The following IL1RAPL1 variants were observed in gnomAD, a reference collection of about 807,000 sequenced individuals.
IL1RAPL1 encodes interleukin-1 receptor accessory protein-like 1.
A neutral mutation model predicts 48.4 loss-of-function variants in IL1RAPL1; 3 were observed. The ratio of observed to expected loss-of-function variants is 0.06; its 90% CI spans 0.03 to 0.16. The LOEUF (loss-of-function observed/expected upper bound fraction) is 0.16. Among genes scored for constraint, IL1RAPL1 ranks in the 10% least tolerant of loss-of-function variants. The pLI, the probability that IL1RAPL1 is intolerant of heterozygous loss-of-function variation, is 1.00. For missense variants in IL1RAPL1, 349 were observed against 530.6 expected, an observed-to-expected ratio of 0.66 and a Z score of 3.36; for synonymous variants, 185 against 187.7, an observed-to-expected ratio of 0.99 and a Z score of 0.12.
intron 2 of IL1RAPL1, among the ~76,000 whole-genome samples, chrX:29,161,797 G>A (rs1366636916): frequency 8.9e-6 from 1 of 111,987 alleles, no homozygotes; most frequent in African/African-American, 3.3e-5. Flanking sequence ...AAGACAGTGT[G>A]GCGATTCCTT....
chrX:29,668,184 G>A (rs1926049860), intron 5 of IL1RAPL1, among the ~76,000 whole-genome samples: 1 of 112,117 alleles, frequency 8.9e-6, no homozygotes, highest in South Asian at 3.7e-4. Flanking sequence ...GACCAATCCT[G>A]ATGGTCTAAT....
intron 5 of IL1RAPL1, among the ~76,000 whole-genome samples, chrX:29,649,653 T>C (rs1925451904): frequency 9.0e-6 from 1 of 111,731 alleles, no homozygotes; most frequent in Non-Finnish European, 1.9e-5. Context: ...GCTAACATCA[T>C]GCTGAATGGG....
intron 6 of IL1RAPL1, among the ~76,000 whole-genome samples, chrX:29,739,392 C>T (rs963428785): frequency 1.8e-5 from 2 of 110,770 alleles, no homozygotes; most frequent in Non-Finnish European, 3.8e-5. Context: ...ACATTGTTTC[C>T]TCAGTATTTT....
chrX:29,425,745 ATT>A (rs752531653), intron 5 of IL1RAPL1, among the ~76,000 whole-genome samples: 2 of 104,860 alleles, frequency 1.9e-5, no homozygotes, highest in Middle Eastern at 4.9e-3. Flanking sequence ...ACAATCAGCT[ATT>A]TTTTTTTTGT....
chrX:29,110,552 C>T (rs193136292), intron 2 of IL1RAPL1, among the ~76,000 whole-genome samples: 1 of 111,403 alleles, frequency 9.0e-6, no homozygotes, highest in South Asian at 3.8e-4. Flanking sequence ...GAGACGTTTT[C>T]CTAGTGTCTG....
intron 2 of IL1RAPL1, among the ~76,000 whole-genome samples, chrX:28,823,144 C>A (rs192254635): frequency 4.2e-4 from 47 of 111,224 alleles, no homozygotes; most frequent in Admixed American, 2.3e-3. Flanking sequence ...TGTTCCTTCC[C>A]GGTAGTTATA....
At chrX:29,784,566 A>T (rs998492722) in intron 6 of IL1RAPL1, among the ~76,000 whole-genome samples, 2 of 111,361 alleles carry the variant, frequency 1.8e-5, no homozygotes, top group Non-Finnish European at 3.8e-5. Flanking sequence ...ACTTTTGAAG[A>T]CTATATGTGG....
chrX:29,200,737 T>A (rs1248290649), intron 2 of IL1RAPL1, among the ~76,000 whole-genome samples: 2 of 112,238 alleles, frequency 1.8e-5, no homozygotes, highest in African/African-American at 6.5e-5. Context: ...TTAAGACATA[T>A]TTATATTATT....
chrX:29,158,934 C>CT (rs1929623524), intron 2 of IL1RAPL1, among the ~76,000 whole-genome samples: 1 of 60,456 alleles, frequency 1.7e-5, no homozygotes, highest in African/African-American at 6.7e-5. Context: ...CTCTCTCTCC[C>CT]CCCCCCTCCC....
intron 2 of IL1RAPL1, among the ~76,000 whole-genome samples, chrX:28,933,544 A>G (rs1222986048): frequency 9.0e-6 from 1 of 111,398 alleles, no homozygotes; most frequent in African/African-American, 3.3e-5. Flanking sequence ...AGCAGTGGGG[A>G]AAAAAATGGA....
intron 2 of IL1RAPL1, among the ~76,000 whole-genome samples, chrX:28,856,393 T>G (rs1921806695): frequency 8.9e-6 from 1 of 112,077 alleles, no homozygotes; most frequent in Non-Finnish European, 1.9e-5. Context: ...CAAAGGAGTT[T>G]TTTTTCCAAG....
chrX:29,427,284 C>T (rs1434964246), intron 5 of IL1RAPL1, among the ~76,000 whole-genome samples: 1 of 111,800 alleles, frequency 8.9e-6, no homozygotes, highest in African/African-American at 3.3e-5. Context: ...AGATGGTTCC[C>T]TATCACTACT....
At chrX:28,940,974 A>T in intron 2 of IL1RAPL1, among the ~76,000 whole-genome samples, 1 of 110,571 alleles carries the variant, frequency 9.0e-6, no homozygotes, top group Non-Finnish European at 1.9e-5. Context: ...CACTATATAT[A>T]TTTTTTGTTT....
At chrX:29,562,122 C>G (rs1188761347) in intron 5 of IL1RAPL1, among the ~76,000 whole-genome samples, 3 of 49,796 alleles carry the variant, frequency 6.0e-5, no homozygotes, top group Non-Finnish European at 1.1e-4. Flanking sequence ...TCTAATCTAT[C>G]TATCTATCTA....
At chrX:28,606,288 A>G (rs1209061233) in intron 1 of IL1RAPL1, among the ~76,000 whole-genome samples, 2 of 112,283 alleles carry the variant, frequency 1.8e-5, no homozygotes, top group Non-Finnish European at 3.8e-5. Context: ...ATGCAGTTAG[A>G]GCATTTTTTC....
In IL1RAPL1 at chrX:28,854,975, G is replaced by A. The variant is rs192909975; in HGVS notation, c.82+65550G>A. Among the ~76,000 whole-genome samples, 5 of 111,697 alleles carry A rather than the reference G, an allele frequency of 4.5e-5. No homozygotes were observed. The East Asian group carries it at 1.1e-3, about 25-fold the overall frequency. ...TTGTCTCAGATCCTCTTATCTTGTA[G>A]TGTTGTGCCTAGCATATTTGACATG... is the stretch of plus-strand genomic sequence containing the variant. On this transcript the variant is annotated intron_variant, in intron 2 of 10. Coordinates refer to ENST00000378993, the MANE Select transcript of IL1RAPL1 (RefSeq NM_014271.4).
At chrX:29,086,800 A>C (rs1927962521) in intron 2 of IL1RAPL1, among the ~76,000 whole-genome samples, 1 of 112,170 alleles carries the variant, frequency 8.9e-6, no homozygotes, top group Non-Finnish European at 1.9e-5. Context: ...TAGGGAAAAT[A>C]TAATAGCTAT....
At chrX:28,945,905 G>A (rs6630795) in intron 2 of IL1RAPL1, among the ~76,000 whole-genome samples, 821 of 56,214 alleles carry the variant, frequency 0.015, 9 homozygotes, top group African/African-American at 0.034. Context: ...ATATATATAT[G>A]TGTGTGTGTG....
At chrX:29,123,277 G>A (rs969281111) in intron 2 of IL1RAPL1, among the ~76,000 whole-genome samples, 3 of 110,832 alleles carry the variant, frequency 2.7e-5, no homozygotes, top group African/African-American at 3.3e-5. Flanking sequence ...TGATCCACCC[G>A]CCTCAGCCTC....
Sources: gnomAD v4.1 joint callset for allele counts (sites outside exome capture counted in the v4.1 genomes callset) on GRCh38, gnomAD v4.1.1 for gene constraint, MANE v1.5 for transcripts, NCBI Gene and HGNC (gene_info 2026-07-23, HGNC 2026-07-21) for gene names.